CRISPLD2: variants seen among roughly 807,000 people sequenced by gnomAD.
CRISPLD2 encodes the protein cysteine rich secretory protein LCCL domain containing 2.
A neutral mutation model predicts 71.1 loss-of-function variants in CRISPLD2; 47 were observed. That is an observed-to-expected ratio of 0.66 (90% CI 0.52 to 0.84). The LOEUF (loss-of-function observed/expected upper bound fraction) is 0.84, where lower values mean the gene tolerates loss of function less well. Among genes scored for constraint, CRISPLD2 ranks in the 40% least tolerant of loss-of-function variants. The probability of loss-of-function intolerance (pLI) is 0.00; values close to 1 mark genes in which losing one functional copy is unlikely to be tolerated. For missense variants in CRISPLD2, 830 were observed against 651.1 expected, an observed-to-expected ratio of 1.27 and a Z score of -2.99; for synonymous variants, 317 against 250.1, an observed-to-expected ratio of 1.27 and a Z score of -2.52.
intron 8 of CRISPLD2, among the ~76,000 whole-genome samples, chr16:84,871,199 A>C (rs756025813): frequency 1.1e-4 from 16 of 152,190 alleles, no homozygotes; most frequent in Non-Finnish European, 1.0e-4. Flanking sequence ...AGATTTTCTT[A>C]AACATTAGAG....
intron 5 of CRISPLD2, among the ~76,000 whole-genome samples, chr16:84,850,918 A>C (rs1917071786): frequency 7.5e-6 from 1 of 133,610 alleles, no homozygotes; most frequent in Non-Finnish European, 1.7e-5. Context: ...ATGGCTGCAC[A>C]GCACCAACAT....
Position 84,873,925 on chromosome 16 carries a change from A to G in CRISPLD2, c.1118A>G (p.Tyr373Cys). The G allele has an allele frequency of 6.3e-7, 1 of 1,591,954 alleles. No homozygotes were observed. The highest frequency in any genetic ancestry group is 8.5e-7 in the Non-Finnish European group (1 of 1,173,572). ...TTTTTTTTTTTTTTAAACAGCAAATACAAACCTTCCAGCTCATTCATGGTG... is the reference window on the plus strand; with the variant it reads ...TTTTTTTTTTTTTTAAACAGCAAATGCAAACCTTCCAGCTCATTCATGGTG... ...ERHGVQSLSK[Y>C]KPSSSFMVSK... is the part of the protein sequence containing the mutation. Residue 373 changes from tyrosine to cysteine, a missense_variant, in exon 11 of 15, where the codon TAC becomes TGC. Physicochemically the swap from Tyr to Cys is radical, Grantham distance 194 (BLOSUM62 -2). Transcript: ENST00000262424.
intron 2 of CRISPLD2, among the ~76,000 whole-genome samples, chr16:84,840,285 G>A (rs1178033279): frequency 1.3e-5 from 2 of 152,188 alleles, no homozygotes; most frequent in Admixed American, 6.5e-5. Flanking sequence ...TACGTGCCAC[G>A]TGAATTGTGT....
Position 84,906,752 on chromosome 16 carries a change from C to A in CRISPLD2, c.*110C>A. The A allele has an allele frequency of 8.1e-7, 1 of 1,240,630 alleles. No homozygotes were observed. The highest frequency in any genetic ancestry group is 1.2e-6 in the Non-Finnish European group (1 of 845,318). The allele number at this position is 1,240,630 out of a possible 1,614,324, so 76.9% of individuals were successfully genotyped here. A position where few individuals can be genotyped will look rare whatever the true frequency, so the allele number is the denominator to read the frequency against. On this transcript the variant is annotated 3_prime_UTR_variant, in exon 15 of 15. Coordinates refer to ENST00000262424, the MANE Select transcript of CRISPLD2 (RefSeq NM_031476.4). ...TGGAGAGTCAGGAAACTTCCTTTGA[C>A]TGATGTTCAGTGTCCATCACTTTGT...
In CRISPLD2 at chr16:84,873,987, G is replaced by T. The variant is rs375678099; in HGVS notation, c.1156+24G>T. On this transcript the variant is annotated intron_variant, in intron 11 of 14. Coordinates refer to ENST00000262424, the MANE Select transcript of CRISPLD2 (RefSeq NM_031476.4). ...AGGTAAGCTAGCCAGTCTCTTTTGC[G>T]ACCATAATACCTGGGTTATCTCAGA... The T allele has an allele frequency of 1.8e-5, 28 of 1,586,942 alleles. 1 individual carries two copies. In the Admixed American group the frequency reaches 5.1e-4, roughly 29 times the overall value.
At chr16:84,845,736 G>GC (rs753763895) in intron 2 of CRISPLD2, 50 bp from the exon 3 acceptor site, 1 of 1,248,066 alleles carries the variant, frequency 8.0e-7, no homozygotes. Context: ...TGGTTCTTAT[G>GC]CCCCTCCCTC....
chr16:84,843,594 C>G (rs1916833877), intron 2 of CRISPLD2, among the ~76,000 whole-genome samples: 1 of 152,142 alleles, frequency 6.6e-6, no homozygotes, highest in Non-Finnish European at 1.5e-5. Context: ...AACAAGAAAC[C>G]CTTTCTCATA....
intron 6 of CRISPLD2, among the ~76,000 whole-genome samples, chr16:84,862,248 G>C (rs1278904222): frequency 6.6e-6 from 1 of 152,024 alleles, no homozygotes; most frequent in Non-Finnish European, 1.5e-5. Context: ...TGTTGCCCAG[G>C]CTGGAGTGCA....
intron 6 of CRISPLD2, among the ~76,000 whole-genome samples, chr16:84,864,523 C>T (rs1011019528): frequency 1.3e-5 from 2 of 152,210 alleles, no homozygotes; most frequent in Admixed American, 6.5e-5. Context: ...CAGACACGCG[C>T]CTGGGCAGCC....
chr16:84,886,369 G>A (rs562433771), intron 13 of CRISPLD2, among the ~76,000 whole-genome samples: 127 of 152,290 alleles, frequency 8.3e-4, no homozygotes, highest in African/African-American at 2.9e-3. Context: ...CGGGGCCCCC[G>A]GATGGGCCGA....
chr16:84,869,425 T>C (rs2143279002), intron 8 of CRISPLD2, among the ~76,000 whole-genome samples: 1 of 152,330 alleles, frequency 6.6e-6, no homozygotes, highest in South Asian at 2.1e-4. Flanking sequence ...GAAAGCTGAA[T>C]CGAGTTATTT....
In CRISPLD2 at chr16:84,872,980, C is replaced by T; in HGVS notation, c.982-12C>T. On this transcript the variant is annotated splice_polypyrimidine_tract_variant and intron_variant, in intron 9 of 14. Coordinates refer to ENST00000262424, the MANE Select transcript of CRISPLD2 (RefSeq NM_031476.4). The stretch of plus-strand genomic sequence containing the variant: ...AGAATGTGCCTCTGGTCTTCTCTTC[C>T]CTTCCCGCCAGTCGTCTAGCATATG... 1 of 1,601,324 alleles carries T rather than the reference C, an allele frequency of 6.2e-7. No homozygotes were observed. Among genetic ancestry groups the T allele is most frequent in the Non-Finnish European group, 8.5e-7 (1 of 1,174,454 alleles).
intron 2 of CRISPLD2, among the ~76,000 whole-genome samples, chr16:84,844,360 G>A (rs941397385): frequency 9.2e-5 from 14 of 152,196 alleles, no homozygotes; most frequent in African/African-American, 3.1e-4. Flanking sequence ...AAAGTATACG[G>A]ACTATAAAAT....
At chr16:84,883,152 G>C (rs1357451132) in intron 13 of CRISPLD2, among the ~76,000 whole-genome samples, 2 of 152,162 alleles carry the variant, frequency 1.3e-5, no homozygotes, top group Non-Finnish European at 2.9e-5. Flanking sequence ...GGAGGGAAGA[G>C]GGAAGGAGGG....
At chr16:84,892,279 C>T (rs1000517414) in intron 14 of CRISPLD2, among the ~76,000 whole-genome samples, 7 of 152,322 alleles carry the variant, frequency 4.6e-5, no homozygotes, top group Admixed American at 6.5e-5. Context: ...CAGCAGCCTG[C>T]GTCTGAGCAG....
intron 5 of CRISPLD2, among the ~76,000 whole-genome samples, chr16:84,852,683 T>G: frequency 6.6e-6 from 1 of 150,556 alleles, no homozygotes. Context: ...TCAGATCCCT[T>G]GAGGGGGATT....
chr16:84,837,719 C>T (rs1328350505), intron 1 of CRISPLD2, among the ~76,000 whole-genome samples: 1 of 152,194 alleles, frequency 6.6e-6, no homozygotes. Context: ...CCCCGGCCAG[C>T]CACAGGTTTC....
At chr16:84,882,268 A>G (rs1275609286) in intron 13 of CRISPLD2, among the ~76,000 whole-genome samples, 1 of 151,512 alleles carries the variant, frequency 6.6e-6, no homozygotes, top group Admixed American at 6.6e-5. Flanking sequence ...ATGTTACACA[A>G]TGGCACAGAA....
At chr16:84,831,131 A>T (rs1349723832) in intron 1 of CRISPLD2, among the ~76,000 whole-genome samples, 1 of 152,204 alleles carries the variant, frequency 6.6e-6, no homozygotes. Context: ...GGGGGTGCCC[A>T]TGGGCCTGTC....
Sources: allele counts gnomAD v4.1 joint callset (sites outside exome capture counted in the v4.1 genomes callset), GRCh38; gene constraint gnomAD v4.1.1; transcripts MANE v1.5; gene names NCBI Gene and HGNC (gene_info 2026-07-23, HGNC 2026-07-21).